The following TRPV6 variants were observed in gnomAD, a reference collection of about 807,000 sequenced individuals.
TRPV6 encodes the protein transient receptor potential cation channel subfamily V member 6, also known as Alu-binding protein with zinc finger domain.
TRPV6 carries 39 observed loss-of-function variants against 79.0 expected under a neutral mutation model. The ratio of observed to expected loss-of-function variants is 0.49; its 90% CI spans 0.38 to 0.64. The LOEUF (loss-of-function observed/expected upper bound fraction) is 0.64, where lower values mean the gene tolerates loss of function less well. TRPV6 is among the 30% of genes least tolerant of loss of function. TRPV6 has a pLI of 0.00. For missense variants in TRPV6, 813 were observed against 1,011.1 expected, an observed-to-expected ratio of 0.80 and a Z score of 2.66; for synonymous variants, 373 against 391.9, an observed-to-expected ratio of 0.95 and a Z score of 0.57.
intron 6 of TRPV6, 148 bp downstream of exon 6, chr7:142,876,260 T>C (rs1003692886): frequency 5.9e-6 from 7 of 1,196,036 alleles, no homozygotes; most frequent in Non-Finnish European, 8.1e-6. Flanking sequence ...AGGGAACAGG[T>C]AACCACAGTG....
chr7:142,874,384 T>A, intron 11 of TRPV6, 107 bp downstream of exon 11: 1 of 1,417,156 alleles, frequency 7.1e-7, no homozygotes, highest in Non-Finnish European at 9.9e-7. Flanking sequence ...AGTGAGGCCA[T>A]GTGTGGCTTG....
rs150837047 is a variant in TRPV6 at position 142,871,828 on chromosome 7, C to T, written c.2177G>A (p.Arg726Gln). 87 of 1,614,032 alleles carry T rather than the reference C, an allele frequency of 5.4e-5. No homozygotes were observed. Among genetic ancestry groups the T allele is most frequent in the Middle Eastern group, 1.6e-4 (1 of 6,084 alleles). The change falls in exon 15 of 15, where the codon CGA becomes CAA. Residue 726 changes from arginine (R) to glutamine (Q), a missense_variant. By Grantham distance (43) the Arg-to-Gln change is conservative (BLOSUM62 1). Transcript: ENST00000359396. ...ATTGGCACTGCTGCGGGAGGTACTT[C>T]GAGACACTGAGGGCATAGGAAGGGA...
Position 142,877,125 on chromosome 7 carries a change from C to T in TRPV6, c.607+17G>A. The T allele has an allele frequency of 6.2e-7, 1 of 1,608,832 alleles. No individual in the cohort carries two copies. Among genetic ancestry groups the T allele is most frequent in the Non-Finnish European group, 8.5e-7 (1 of 1,175,838 alleles). ...CCTTTCCAACTGCCCGTCCTCCAAG[C>T]CCAGCCCTGCTCTCACCAAAGTAGA... On this transcript the variant is annotated intron_variant, in intron 4 of 14. Transcript: ENST00000359396.
rs546867709 is a variant in TRPV6 at position 142,871,626 on chromosome 7, T to A, written c.*81A>T. ...CCCCTGGGGCCTGGGAGATGAGACC[T>A]CTGGGTGTTTGGTTTTTGTTTTGTT... On this transcript the variant is annotated 3_prime_UTR_variant, in exon 15 of 15. Transcript: ENST00000359396. 2,510 of 1,506,832 alleles carry A rather than the reference T, an allele frequency of 1.7e-3. 9 individuals are homozygous for A. The highest frequency in any genetic ancestry group is 3.4e-3 in the Middle Eastern group (19 of 5,598). The allele number at this position is 1,506,832 out of a possible 1,614,324, so 93.3% of individuals were successfully genotyped here. A position where few individuals can be genotyped will look rare whatever the true frequency, so the allele number is the denominator to read the frequency against.
intron 11 of TRPV6, 33 bp from the exon 12 acceptor site, chr7:142,874,175 C>T (rs1303937904): frequency 1.2e-6 from 2 of 1,605,374 alleles, no homozygotes; most frequent in Non-Finnish European, 1.7e-6. Flanking sequence ...AACATCTGCA[C>T]ACATTCCCCA....
In TRPV6 at chr7:142,877,228, C is replaced by A; in HGVS notation, c.521G>T (p.Arg174Leu). The change falls in exon 4 of 15, where the codon CGA becomes CTA. Residue 174 changes from arginine (R) to leucine (L), a missense_variant. Physicochemically the swap from Arg to Leu is moderately radical, Grantham distance 102 (BLOSUM62 -2). Coordinates refer to ENST00000359396, the MANE Select transcript of TRPV6 (RefSeq NM_018646.6). ...ACTGGCCCTGCGGGCAAGCAGGGCT[C>A]GCACCAGGTTCATGTTCTGGTTCAC... The A allele has an allele frequency of 6.2e-7, 1 of 1,614,216 alleles. No individual in the cohort carries two copies. The highest frequency in any genetic ancestry group is 1.1e-5 in the South Asian group (1 of 91,086).
rs1345494905 is a variant in TRPV6, at chr7:142,873,406, G to A, written c.1908+42C>T. 6.2e-7 allele frequency: 1 copy of A among 1,603,982 alleles called. No homozygotes were observed. Among genetic ancestry groups the A allele is most frequent in the Admixed American group, 1.7e-5 (1 of 59,898 alleles). On this transcript the variant is annotated intron_variant, in intron 13 of 14. Transcript: ENST00000359396. This position sits in a 1 kb window ranked among gnomAD's most constrained non-coding sequence, Gnocchi z 4.8. ...GCTTGGCAGGTTCCTTGGTAGGAAG[G>A]GGATGACTTGCCCTAACCCTCCCTG...
chr7:142,871,876 C>A lies in TRPV6; in HGVS notation c.2129G>T (p.Gly710Val). ...GGACAGGTGGGGGCTGAAGGGACAG[C>A]CCAGCTCTAGTTTTTCCACTGAGTC... Residue 710 changes from glycine (G) to valine (V), a missense_variant, in exon 15 of 15, where the codon GGC becomes GTC. Gly to Val is a moderately radical substitution (Grantham distance 109). This residue lies in a region of TRPV6 where 164 missense variants were observed against 186.1 expected (regional missense o/e 0.88). Coordinates refer to ENST00000359396, the MANE Select transcript of TRPV6 (RefSeq NM_018646.6). 1 of 1,614,172 alleles carries A rather than the reference C, an allele frequency of 6.2e-7. No homozygotes were observed.
In TRPV6 at chr7:142,873,925, CT is replaced by C; in HGVS notation, c.1639+150del. 1 of 1,095,542 alleles carries C rather than the reference CT, an allele frequency of 9.1e-7. No homozygotes were observed. Among genetic ancestry groups the C allele is most frequent in the Non-Finnish European group, 1.3e-6 (1 of 754,638 alleles). The allele number at this position is 1,095,542 out of a possible 1,614,324, so 67.9% of individuals were successfully genotyped here. On this transcript the variant is annotated intron_variant, in intron 12 of 14. Coordinates refer to ENST00000359396, the MANE Select transcript of TRPV6 (RefSeq NM_018646.6). The surrounding 1 kb of genome is among the most constrained non-coding windows in gnomAD (Gnocchi z 4.8). ...CCTCTCCCTAACACTCCCGATTTTT[CT>C]CACCTCTGGAGGACGTCCCATCCTC...
intron 1 of TRPV6, chr7:142,884,554 C>T (rs144273732): frequency 6.6e-6 from 1 of 152,382 alleles, no homozygotes; most frequent in Non-Finnish European, 1.5e-5. Flanking sequence ...TTCCGATTCC[C>T]TGCTCCTCTC....
At position 142,876,271 on chromosome 7, in the gene TRPV6, G is replaced by A. The variant is rs1035695748; in HGVS notation, c.882+137C>T. 7.0e-6 allele frequency: 9 copies of A among 1,292,088 alleles called. No homozygotes were observed. In the African/African-American group the frequency reaches 1.0e-4, roughly 15 times the overall value. 80.0% of individuals were successfully genotyped at this position (1,292,088 alleles called of 1,614,324 possible). On this transcript the variant is annotated intron_variant, in intron 6 of 14. Transcript: ENST00000359396. ...AGAAAGGGAACAGGTAACCACAGTG[G>A]GAGGGGTTGAAAAATTTCTGAGTTG... is the stretch of plus-strand genomic sequence containing the variant.
intron 6 of TRPV6, 77 bp downstream of exon 6, chr7:142,876,331 C>A: frequency 6.5e-7 from 1 of 1,532,436 alleles, no homozygotes; most frequent in Non-Finnish European, 8.8e-7. Context: ...TCGCGTTCAC[C>A]TCTGTTTCTC....
At position 142,873,690 on chromosome 7, in the gene TRPV6, C is replaced by A; in HGVS notation, c.1666G>T (p.Asp556Tyr). The A allele has an allele frequency of 6.2e-7, 1 of 1,614,124 alleles. No homozygotes were observed. The highest frequency in any genetic ancestry group is 8.5e-7 in the Non-Finnish European group (1 of 1,180,034). The change falls in exon 13 of 15, where the codon GAC becomes TAC. Residue 556 changes from aspartate (D) to tyrosine (Y), a missense_variant. Around this residue, in one of 3 missense-constraint regions of TRPV6, gnomAD observed 94 missense variants for 194.0 expected, o/e 0.48. Transcript: ENST00000359396. This position sits in a 1 kb window ranked among gnomAD's most constrained non-coding sequence, Gnocchi z 4.8. The stretch of plus-strand genomic sequence containing the variant: ...TAGAAGTGGCCTAGCTCCTCGGGGT[C>A]CTCTGTCTGGAAGATGATATAGAAG...
chr7:142,875,507 G>T lies in TRPV6; in HGVS notation c.1203C>A (p.Ser401Arg), dbSNP rs747881356. 6.2e-7 allele frequency: 1 copy of T among 1,604,190 alleles called. No homozygotes were observed. The highest frequency in any genetic ancestry group is 2.2e-5 in the East Asian group (1 of 44,790). Residue 401 changes from serine to arginine, a missense_variant, in exon 8 of 15, where the codon AGC becomes AGA. Physicochemically the swap from Ser to Arg is moderately radical, Grantham distance 110. Around this residue, in one of 3 missense-constraint regions of TRPV6, gnomAD observed 555 missense variants for 631.0 expected, o/e 0.88. Coordinates refer to ENST00000359396, the MANE Select transcript of TRPV6 (RefSeq NM_018646.6). ...GCTGTAAGAGGGTGTTGTCCCGGGG[G>T]CTCGTGCGGTTATTGGTCCTGGGCT...
Position 142,875,588 on chromosome 7 carries a change from G to A in TRPV6, c.1122C>T (p.Ala374=), listed in dbSNP as rs1178025549. Residue 374 remains alanine (A), a synonymous_variant, in exon 8 of 15, where the codon GCC becomes GCT. Transcript: ENST00000359396. ...AGCAGATGATGTACAGCAGATATAT[G>A]GCACCCAGCATGCAGAAGTACGGCC... 1.9e-6 allele frequency: 3 copies of A among 1,613,564 alleles called. No homozygotes were observed. Among genetic ancestry groups the A allele is most frequent in the African/African-American group, 2.7e-5 (2 of 74,870 alleles).
chr7:142,877,040 C>T (rs1239644192), intron 4 of TRPV6, 102 bp downstream of exon 4: 1 of 1,489,538 alleles, frequency 6.7e-7, no homozygotes, highest in Non-Finnish European at 9.0e-7. Flanking sequence ...CTCCCAGCTG[C>T]CCAACAGATA....
rs1027878259 is a variant in TRPV6, at chr7:142,873,414, T to C, written c.1908+34A>G. On this transcript the variant is annotated intron_variant, in intron 13 of 14. Transcript: ENST00000359396. This position sits in a 1 kb window ranked among gnomAD's most constrained non-coding sequence, Gnocchi z 4.8. Reference sequence around the variant, plus strand: ...GGTTCCTTGGTAGGAAGGGGATGACTTGCCCTAACCCTCCCTGCCACCAGG... The same window carrying C: ...GGTTCCTTGGTAGGAAGGGGATGACCTGCCCTAACCCTCCCTGCCACCAGG... The C allele has an allele frequency of 6.2e-7, 1 of 1,606,820 alleles. No individual in the cohort carries two copies. The highest frequency in any genetic ancestry group is 1.3e-5 in the African/African-American group (1 of 74,824).
rs965520309 is a variant in TRPV6, at chr7:142,878,044, A to T, written c.249-18T>A. 10 of 1,606,898 alleles carry T rather than the reference A, an allele frequency of 6.2e-6. No homozygotes were observed. Among genetic ancestry groups the T allele is most frequent in the Non-Finnish European group, 8.5e-6 (10 of 1,173,480 alleles). ...CCCAGATCCTATGAAGGGATGGAAT[A>T]GGAAAGCTGGAAACAGTGAGCATAC... is the stretch of plus-strand genomic sequence containing the variant. On this transcript the variant is annotated intron_variant, in intron 1 of 14. Coordinates refer to ENST00000359396, the MANE Select transcript of TRPV6 (RefSeq NM_018646.6).
intron 1 of TRPV6, chr7:142,879,522 A>C (rs1443378908): frequency 6.6e-6 from 1 of 152,216 alleles, no homozygotes; most frequent in Non-Finnish European, 1.5e-5. Context: ...ATACAAAAAG[A>C]CATAGACAGG....
Sources: allele counts gnomAD v4.1 joint callset, GRCh38; gene constraint gnomAD v4.1.1; regional missense constraint gnomAD v4.1.1; non-coding constraint Gnocchi (gnomAD v3.1); transcripts MANE v1.5; gene names NCBI Gene and HGNC (gene_info 2026-07-23, HGNC 2026-07-21).